MFSD8: variants seen among roughly 807,000 people sequenced by gnomAD.
MFSD8 encodes the protein major facilitator superfamily domain containing 8.
Under a neutral mutation model 66.4 loss-of-function variants are expected in MFSD8, and 55 were observed. That is an observed-to-expected ratio of 0.83 (90% CI 0.67 to 1.04). The LOEUF (loss-of-function observed/expected upper bound fraction) is 1.04, where lower values mean the gene tolerates loss of function less well. MFSD8 is among the 50% of genes least tolerant of loss of function. MFSD8 has a pLI of 0.00. For missense variants in MFSD8, 550 were observed against 627.6 expected (o/e 0.88, Z 1.32); for synonymous variants, 202 against 212.8 (o/e 0.95, Z 0.44).
chr4:127,953,566 T>TTTTTC (rs1742384770), intron 2 of MFSD8, among the ~76,000 whole-genome samples: 1 of 141,792 alleles, frequency 7.1e-6, no homozygotes, highest in Non-Finnish European at 1.5e-5. Context: ...TTTTTTTTTT[T>TTTTTC]TTTTTGAGAC....
At chr4:127,926,330 T>G (rs1317981268) in intron 9 of MFSD8, among the ~76,000 whole-genome samples, 1 of 29,002 alleles carries the variant, frequency 3.4e-5, no homozygotes, top group Non-Finnish European at 7.4e-5. Context: ...GGCCATTGCA[T>G]GGCTCTTTGC....
At chr4:127,965,578 C>G, upstream of MFSD8, 1 of 232,330 alleles carries the variant, frequency 4.3e-6, no homozygotes, top group South Asian at 5.1e-5. Context: ...GCCCGGCCAG[C>G]TCGATCGCAG....
At chr4:127,930,938 G>A in intron 8 of MFSD8, 121 bp from the exon 9 acceptor site, 1 of 979,908 alleles carries the variant, frequency 1.0e-6, no homozygotes, top group Admixed American at 2.8e-5. Context: ...TTTTAGCAAT[G>A]ACAACAGACC....
rs751316775 is a variant in MFSD8, at chr4:127,921,882, T to C, written c.1080A>G (p.Gln360=). 1.4e-5 allele frequency: 22 copies of C among 1,613,986 alleles called. No individual in the cohort carries two copies. The highest frequency in any genetic ancestry group is 1.2e-4 in the African/African-American group (9 of 74,918). Reference sequence around the variant, plus strand: ...TACCTTCCCACTGTATTTTGGGAAATTGATTTCCCCAAGGTAACAAGATAA... The same window carrying C: ...TACCTTCCCACTGTATTTTGGGAAACTGATTTCCCCAAGGTAACAAGATAA... ...GFFILLPWGN[Q]FPKIQWEDLH... The change falls in exon 10 of 12, where the codon CAA becomes CAG. Residue 360 remains glutamine (Q), a synonymous_variant. Coordinates refer to ENST00000641686, the MANE Select transcript of MFSD8 (RefSeq NM_001371596.2).
At chr4:127,923,624 G>C (rs568770350) in intron 9 of MFSD8, among the ~76,000 whole-genome samples, 2 of 148,078 alleles carry the variant, frequency 1.4e-5, no homozygotes, top group Non-Finnish European at 3.0e-5. Context: ...CTGTCGCCCA[G>C]GCTGGTATGC....
rs147000547 is a variant in MFSD8 at position 127,920,948 on chromosome 4, C to A, written c.1351-112G>T. On this transcript the variant is annotated intron_variant, in intron 11 of 11. Transcript: ENST00000641686. Reference sequence around the variant, plus strand: ...AAACTTACAAGAATCATTTCTGCATCTTTTACTTTTAAATTAAACATAAAA... The same window carrying A: ...AAACTTACAAGAATCATTTCTGCATATTTTACTTTTAAATTAAACATAAAA... The A allele has an allele frequency of 7.1e-5, 70 of 981,468 alleles. No individual in the cohort carries two copies. In the African/African-American group the frequency reaches 1.1e-3, roughly 15 times the overall value. The allele number at this position is 981,468 out of a possible 1,614,324, so 60.8% of individuals were successfully genotyped here.
At chr4:127,962,992 C>A (rs562118159) in intron 1 of MFSD8, among the ~76,000 whole-genome samples, 2 of 152,024 alleles carry the variant, frequency 1.3e-5, no homozygotes, top group African/African-American at 4.8e-5. Flanking sequence ...TATTAATTTA[C>A]CTGAGGTAAT....
chr4:127,953,673 T>C (rs896899001), intron 2 of MFSD8, among the ~76,000 whole-genome samples: 38 of 148,328 alleles, frequency 2.6e-4, no homozygotes, highest in Non-Finnish European at 5.2e-4. Context: ...TTAGTAGAGA[T>C]GGGGTTTCAC....
At chr4:127,946,498 T>C (rs973068267) in intron 3 of MFSD8, among the ~76,000 whole-genome samples, 7 of 152,242 alleles carry the variant, frequency 4.6e-5, no homozygotes, top group African/African-American at 7.2e-5. Context: ...TTTCATGTAA[T>C]ATTATTTTCA....
At chr4:127,963,853 A>G (rs1462479541) in intron 1 of MFSD8, among the ~76,000 whole-genome samples, 2 of 152,172 alleles carry the variant, frequency 1.3e-5, no homozygotes, top group African/African-American at 2.4e-5. Context: ...GCTGATTGGT[A>G]GAGCCGAGTA....
intron 1 of MFSD8, among the ~76,000 whole-genome samples, chr4:127,963,388 G>A (rs1045259441): frequency 1.3e-5 from 2 of 152,210 alleles, no homozygotes; most frequent in African/African-American, 2.4e-5. Flanking sequence ...CTTTGTGTCC[G>A]GGATTGGTGG....
At chr4:127,945,962 C>T (rs1740964091) in intron 3 of MFSD8, among the ~76,000 whole-genome samples, 1 of 150,714 alleles carries the variant, frequency 6.6e-6, no homozygotes, top group Middle Eastern at 3.4e-3. Flanking sequence ...GCTCTGTCAC[C>T]CAGGCCAGAA....
intron 2 of MFSD8, among the ~76,000 whole-genome samples, chr4:127,955,440 C>A (rs773436562): frequency 3.3e-5 from 5 of 150,794 alleles, no homozygotes. Context: ...ACCTGGGAGG[C>A]TGAGGCAGAG....
At chr4:127,958,152 T>G (rs532705247) in intron 1 of MFSD8, among the ~76,000 whole-genome samples, 1 of 152,264 alleles carries the variant, frequency 6.6e-6, no homozygotes, top group South Asian at 2.1e-4. Context: ...CAGATAAATT[T>G]TATCAGCAGA....
chr4:127,952,626 T>G (rs1035858599), intron 2 of MFSD8, among the ~76,000 whole-genome samples: 6 of 152,150 alleles, frequency 3.9e-5, no homozygotes, highest in African/African-American at 1.4e-4. Context: ...TCCAAGCACT[T>G]TGGGAGACTG....
At chr4:127,933,905 C>T (rs569210903) in intron 7 of MFSD8, among the ~76,000 whole-genome samples, 118 of 152,176 alleles carry the variant, frequency 7.8e-4, no homozygotes, top group African/African-American at 2.7e-3. Flanking sequence ...GAAATTAGTA[C>T]TCATGGCCAG....
chr4:127,923,100 C>T (rs187516184), intron 9 of MFSD8, among the ~76,000 whole-genome samples: 1 of 152,274 alleles, frequency 6.6e-6, no homozygotes, highest in East Asian at 1.9e-4. Flanking sequence ...TTCTCATTTC[C>T]TAATTGAATA....
intron 2 of MFSD8, among the ~76,000 whole-genome samples, chr4:127,954,276 T>G (rs918480433): frequency 6.6e-6 from 1 of 152,196 alleles, no homozygotes; most frequent in South Asian, 2.1e-4. Flanking sequence ...TATTTTACTT[T>G]TTGTATGTTT....
At chr4:127,959,063 C>T (rs1290645805) in intron 1 of MFSD8, among the ~76,000 whole-genome samples, 1 of 152,038 alleles carries the variant, frequency 6.6e-6, no homozygotes, top group East Asian at 1.9e-4. Context: ...TAGCAGTCAC[C>T]CTCTTAACAA....
Sources: gnomAD v4.1 joint callset for allele counts (sites outside exome capture counted in the v4.1 genomes callset) on GRCh38, gnomAD v4.1.1 for gene constraint, MANE v1.5 for transcripts, NCBI Gene and HGNC (gene_info 2026-07-23, HGNC 2026-07-21) for gene names.